ARHGAP21: variants seen among roughly 807,000 people sequenced by gnomAD.
The protein encoded by ARHGAP21 is Rho GTPase activating protein 21, also known as rho GTPase-activating protein 21.
ARHGAP21 carries 38 observed loss-of-function variants against 164.6 expected under a neutral mutation model. The ratio of observed to expected loss-of-function variants is 0.23; its 90% CI spans 0.18 to 0.30. The LOEUF (loss-of-function observed/expected upper bound fraction) is 0.30, where lower values mean the gene tolerates loss of function less well. Among genes scored for constraint, ARHGAP21 ranks in the 10% least tolerant of loss-of-function variants. The probability of loss-of-function intolerance (pLI) is 1.00; values close to 1 mark genes in which losing one functional copy is unlikely to be tolerated. For synonymous variants in ARHGAP21, 766 were observed against 857.9 expected, an observed-to-expected ratio of 0.89 and a Z score of 1.87; for missense variants, 1,822 against 2,370.7, an observed-to-expected ratio of 0.77 and a Z score of 4.81.
At chr10:24,671,955 C>A (rs1840749411) in intron 2 of ARHGAP21, among the ~76,000 whole-genome samples, 5 of 142,418 alleles carry the variant, frequency 3.5e-5, no homozygotes. Flanking sequence ...GTCTTGAGCT[C>A]CTATGCTCAA....
intron 3 of ARHGAP21, among the ~76,000 whole-genome samples, chr10:24,667,951 T>C (rs890713670): frequency 6.6e-6 from 1 of 152,238 alleles, no homozygotes; most frequent in Non-Finnish European, 1.5e-5. Context: ...ATATTTTCCA[T>C]GTAAAATTTA....
At chr10:24,658,407 T>C (rs913757726) in intron 4 of ARHGAP21, among the ~76,000 whole-genome samples, 4 of 152,142 alleles carry the variant, frequency 2.6e-5, no homozygotes, top group African/African-American at 9.7e-5. Flanking sequence ...CTATTCACAA[T>C]AGCAAAGACT....
In ARHGAP21 at chr10:24,721,753, C is replaced by T. The variant is rs1845962868; in HGVS notation, c.63+84G>A. On this transcript the variant is annotated intron_variant, in intron 2 of 25. Coordinates refer to ENST00000396432, the MANE Select transcript of ARHGAP21 (RefSeq NM_020824.4). Reference sequence around the variant, plus strand: ...GCCCCGGGAAGCCCCTAGTGAGGCCCCGTGGCCGGTAACCCCCAACTTGCA... The same window carrying T: ...GCCCCGGGAAGCCCCTAGTGAGGCCTCGTGGCCGGTAACCCCCAACTTGCA... The T allele has an allele frequency of 4.6e-6, 7 of 1,516,176 alleles. No individual in the cohort carries two copies. In the Admixed American group the frequency reaches 9.3e-5, roughly 20 times the overall value. 93.9% of individuals were successfully genotyped at this position (1,516,176 alleles called of 1,614,324 possible).
At chr10:24,653,980 A>G (rs1283447585) in intron 4 of ARHGAP21, among the ~76,000 whole-genome samples, 1 of 152,226 alleles carries the variant, frequency 6.6e-6, no homozygotes, top group Non-Finnish European at 1.5e-5. Flanking sequence ...CATATATCTG[A>G]TAAGGACTTG....
intron 4 of ARHGAP21, chr10:24,648,994 T>A (rs1224725896): frequency 4.0e-5 from 14 of 353,554 alleles, no homozygotes; most frequent in Non-Finnish European, 4.7e-5. Flanking sequence ...ACATATAGAA[T>A]CACTTTTATT....
intron 2 of ARHGAP21, among the ~76,000 whole-genome samples, chr10:24,708,315 T>C (rs909356502): frequency 6.6e-6 from 1 of 152,134 alleles, no homozygotes; most frequent in African/African-American, 2.4e-5. Context: ...AAAACTATAA[T>C]TACCATAGAT....
chr10:24,651,398 CCT>C (rs1473494340), intron 4 of ARHGAP21, among the ~76,000 whole-genome samples: 1 of 152,132 alleles, frequency 6.6e-6, no homozygotes, highest in Non-Finnish European at 1.5e-5. Flanking sequence ...CAGGTTTTCC[CCT>C]GTCCTCTCTT....
intron 2 of ARHGAP21, among the ~76,000 whole-genome samples, chr10:24,703,939 A>C (rs943068968): frequency 1.3e-5 from 2 of 152,192 alleles, no homozygotes; most frequent in Non-Finnish European, 2.9e-5. Context: ...TTTTGCTTAG[A>C]TCTCACTATT....
At chr10:24,707,325 C>T (rs1844337253) in intron 2 of ARHGAP21, among the ~76,000 whole-genome samples, 1 of 152,200 alleles carries the variant, frequency 6.6e-6, no homozygotes. Context: ...CTGTAACATG[C>T]TTAAAACAGT....
chr10:24,720,629 GAAGT>G (rs1422826638), intron 2 of ARHGAP21, among the ~76,000 whole-genome samples: 1 of 152,214 alleles, frequency 6.6e-6, no homozygotes, highest in Non-Finnish European at 1.5e-5. Context: ...AATTCGACAT[GAAGT>G]AAGCTGCATG....
At chr10:24,590,359 C>T (rs1224301943) in intron 24 of ARHGAP21, 1 of 1,535,346 alleles carries the variant, frequency 6.5e-7, no homozygotes. Flanking sequence ...GGGATTTCTG[C>T]AGACAAGGCA....
At chr10:24,605,646 A>C (rs1228655570) in intron 11 of ARHGAP21, 1 of 152,228 alleles carries the variant, frequency 6.6e-6, no homozygotes, top group Non-Finnish European at 1.5e-5. Context: ...ATGCAAAGAT[A>C]ACAAAAAAGA....
intron 7 of ARHGAP21, among the ~76,000 whole-genome samples, chr10:24,627,881 C>T (rs1198719912): frequency 6.6e-6 from 1 of 152,188 alleles, no homozygotes; most frequent in Non-Finnish European, 1.5e-5. Flanking sequence ...TTAATTGCTT[C>T]CATGCCAGCC....
intron 11 of ARHGAP21, 185 bp downstream of exon 11, chr10:24,607,314 C>T: frequency 2.0e-5 from 12 of 590,436 alleles, no homozygotes; most frequent in South Asian, 9.5e-5. Flanking sequence ...ATTTTTCTAC[C>T]ATGTTTGTGT....
chr10:24,654,643 T>C (rs1235612085), intron 4 of ARHGAP21, among the ~76,000 whole-genome samples: 1 of 152,190 alleles, frequency 6.6e-6, no homozygotes, highest in Non-Finnish European at 1.5e-5. Context: ...TGGAAGAACA[T>C]TCCATGCTCT....
rs778938635 is a variant in ARHGAP21 at position 24,621,101 on chromosome 10, C to T, written c.794G>A (p.Cys265Tyr). The T allele has an allele frequency of 3.7e-6, 6 of 1,613,804 alleles. No individual in the cohort carries two copies. The highest frequency in any genetic ancestry group is 5.1e-6 in the Non-Finnish European group (6 of 1,179,836). The change falls in exon 9 of 26, where the codon TGT (cysteine) becomes TAT (tyrosine). Residue 265 changes from cysteine (C) to tyrosine (Y), a missense_variant. By Grantham distance (194) the Cys-to-Tyr change is radical. Around this residue, in one of 5 missense-constraint regions of ARHGAP21, gnomAD observed 1,090 missense variants for 1,378.9 expected, o/e 0.79. Coordinates refer to ENST00000396432, the MANE Select transcript of ARHGAP21 (RefSeq NM_020824.4). ...TDVAKSNTAV[C>Y]VCNESVRTVI... ...AGTCCTTACACTTTCATTGCAAACA[C>T]ACACTGCTGTGTTTGATTTTGCAAC... is the stretch of plus-strand genomic sequence containing the variant.
At chr10:24,660,529 C>T (rs1839574615) in intron 4 of ARHGAP21, among the ~76,000 whole-genome samples, 1 of 152,004 alleles carries the variant, frequency 6.6e-6, no homozygotes. Context: ...CCAAAGCCTT[C>T]GATCATGGAC....
In ARHGAP21 at chr10:24,591,941, G is replaced by A. The variant is rs61735164; in HGVS notation, c.3948C>T (p.His1316=). 5.0e-6 allele frequency: 8 copies of A among 1,613,764 alleles called. No homozygotes were observed. Among genetic ancestry groups the A allele is most frequent in the Non-Finnish European group, 6.8e-6 (8 of 1,179,936 alleles). Residue 1316 remains histidine (H), a synonymous_variant, in exon 22 of 26, where the codon CAC becomes CAT. Transcript: ENST00000396432. The part of the protein sequence containing the change: ...LVRTSEDNMT[H]MVTHMPDQYK... ...ACTGGTCAGGCATGTGGGTGACCAT[G>A]TGGGTCATGTTGTCTTCTGATGTTC...
intron 6 of ARHGAP21, among the ~76,000 whole-genome samples, chr10:24,633,036 A>G (rs902653689): frequency 5.3e-5 from 8 of 152,244 alleles, no homozygotes; most frequent in Non-Finnish European, 1.2e-4. Context: ...AAGATACTTA[A>G]AAGTAACATA....
Sources: allele counts gnomAD v4.1 joint callset (sites outside exome capture counted in the v4.1 genomes callset), GRCh38; gene constraint gnomAD v4.1.1; regional missense constraint gnomAD v4.1.1; transcripts MANE v1.5; gene names NCBI Gene and HGNC (gene_info 2026-07-23, HGNC 2026-07-21).